The following DLGAP2 variants were observed in gnomAD, a reference collection of about 807,000 sequenced individuals.
DLGAP2 encodes DLG associated protein 2.
DLGAP2 carries 26 observed loss-of-function variants against 100.3 expected under a neutral mutation model. That is an observed-to-expected ratio of 0.26 (90% CI 0.19 to 0.36). The LOEUF (loss-of-function observed/expected upper bound fraction) is 0.36. Among genes scored for constraint, DLGAP2 ranks in the 10% least tolerant of loss-of-function variants. The pLI is 1.00. For synonymous variants in DLGAP2, 886 were observed against 630.1 expected (o/e 1.41, Z -6.08); for missense variants, 1,858 against 1,453.2 (o/e 1.28, Z -4.53).
intron 1 of DLGAP2, among the ~76,000 whole-genome samples, chr8:752,693 C>T (rs1585825294): frequency 6.6e-6 from 1 of 152,280 alleles, no homozygotes; most frequent in South Asian, 2.1e-4. Flanking sequence ...CCATGGCGGC[C>T]AGGAGGCACT....
At chr8:1,390,673 T>C (rs954257517) in intron 3 of DLGAP2, among the ~76,000 whole-genome samples, 4 of 152,206 alleles carry the variant, frequency 2.6e-5, no homozygotes, top group African/African-American at 7.2e-5. Context: ...CGCCAAGCTC[T>C]GATCTGAGTC....
intron 2 of DLGAP2, among the ~76,000 whole-genome samples, chr8:945,049 CTTTCCACCCCAA>C (rs1222373312): frequency 1.3e-5 from 2 of 152,196 alleles, no homozygotes; most frequent in Non-Finnish European, 2.9e-5. Flanking sequence ...GAGCAAAGTT[CTTTCCACCCCAA>C]TTTCTGTTCT....
At chr8:1,376,001 ACGGCCT>A (rs1802375794) in intron 3 of DLGAP2, among the ~76,000 whole-genome samples, 1 of 12,356 alleles carries the variant, frequency 8.1e-5, no homozygotes, top group African/African-American at 5.2e-4. Flanking sequence ...ACCCCTCTCC[ACGGCCT>A]CAGAACTGAG....
At chr8:1,206,021 T>C (rs1202642760) in intron 2 of DLGAP2, among the ~76,000 whole-genome samples, 1 of 152,108 alleles carries the variant, frequency 6.6e-6, no homozygotes, top group Non-Finnish European at 1.5e-5. Context: ...CTTGGGGATT[T>C]CATCAGCAAA....
chr8:1,252,479 C>T (rs1052970479), intron 2 of DLGAP2, among the ~76,000 whole-genome samples: 1 of 152,180 alleles, frequency 6.6e-6, no homozygotes, highest in Non-Finnish European at 1.5e-5. Flanking sequence ...TTGCGTTGTC[C>T]TGGGTCACAG....
chr8:1,333,668 C>T (rs566984851), intron 3 of DLGAP2, among the ~76,000 whole-genome samples: 22 of 152,218 alleles, frequency 1.4e-4, no homozygotes, highest in Middle Eastern at 6.3e-3. Flanking sequence ...GCCGATGTAA[C>T]CGCGGGCTCT....
At chr8:1,177,485 A>G (rs1461874125) in intron 2 of DLGAP2, among the ~76,000 whole-genome samples, 1 of 152,034 alleles carries the variant, frequency 6.6e-6, no homozygotes, top group East Asian at 1.9e-4. Context: ...TTCTGAATGC[A>G]TGGTGTTGAT....
At chr8:1,210,643 G>A (rs1018316320) in intron 2 of DLGAP2, among the ~76,000 whole-genome samples, 1 of 152,282 alleles carries the variant, frequency 6.6e-6, no homozygotes, top group African/African-American at 2.4e-5. Context: ...CTCTTGCCAT[G>A]GCTACTGCCT....
intron 8 of DLGAP2, among the ~76,000 whole-genome samples, chr8:1,647,751 G>A (rs1585030497): frequency 6.6e-6 from 1 of 152,134 alleles, no homozygotes; most frequent in Non-Finnish European, 1.5e-5. Flanking sequence ...TTGCATGCCG[G>A]CTGCTATAAG....
At chr8:896,195 C>T (rs111507146) in intron 1 of DLGAP2, among the ~76,000 whole-genome samples, 1 of 111,450 alleles carries the variant, frequency 9.0e-6, no homozygotes, top group Non-Finnish European at 1.8e-5. Flanking sequence ...GGTGTCAATC[C>T]CCAGGGTTTG....
intron 3 of DLGAP2, among the ~76,000 whole-genome samples, chr8:1,386,460 G>A (rs530015235): frequency 3.9e-5 from 6 of 152,310 alleles, no homozygotes; most frequent in Non-Finnish European, 7.4e-5. Flanking sequence ...AGAGCGGCAG[G>A]GACAGCTGGG....
intron 6 of DLGAP2, among the ~76,000 whole-genome samples, chr8:1,599,128 A>G (rs558721537): frequency 2.0e-5 from 3 of 152,208 alleles, no homozygotes; most frequent in African/African-American, 7.2e-5. Context: ...TTATTTACCC[A>G]GTAGTCATTC....
chr8:1,125,119 A>G (rs75053659), intron 2 of DLGAP2, among the ~76,000 whole-genome samples: 2,590 of 152,230 alleles, frequency 0.017, 59 homozygotes, highest in African/African-American at 0.06. Context: ...GACTCGGACC[A>G]TTTTCCCAAG....
At chr8:1,578,816 A>G (rs1173066082) in intron 6 of DLGAP2, among the ~76,000 whole-genome samples, 1 of 152,196 alleles carries the variant, frequency 6.6e-6, no homozygotes, top group Non-Finnish European at 1.5e-5. Flanking sequence ...CACCTGTCTC[A>G]TGCCCTGGTG....
At position 1,241,811 on chromosome 8, in the gene DLGAP2, C is replaced by A. The variant is rs940261025; in HGVS notation, c.74-17040C>A. Among the ~76,000 whole-genome samples, 6 of 151,782 alleles carry A rather than the reference C, an allele frequency of 4.0e-5. No homozygotes were observed. In the South Asian group the frequency reaches 1.0e-3, roughly 26 times the overall value. ...CTTGTTTAATTTTAAAGTTCAGCGG[C>A]AGGACACTCTTAAATCTTATGAGTT... On this transcript the variant is annotated intron_variant, in intron 2 of 14. Coordinates refer to ENST00000637795, the MANE Select transcript of DLGAP2 (RefSeq NM_001346810.2).
chr8:868,841 G>A (rs989738986), intron 1 of DLGAP2, among the ~76,000 whole-genome samples: 7 of 152,208 alleles, frequency 4.6e-5, no homozygotes, highest in Non-Finnish European at 1.5e-5. Context: ...GGCTGGACGC[G>A]TCAGGCAGCC....
chr8:1,558,561 C>T (rs938859484), intron 5 of DLGAP2, among the ~76,000 whole-genome samples: 5 of 151,588 alleles, frequency 3.3e-5, no homozygotes, highest in Non-Finnish European at 5.9e-5. Flanking sequence ...ATGCACATTA[C>T]ACATACACAC....
At chr8:1,521,253 A>G (rs1800588061) in intron 4 of DLGAP2, among the ~76,000 whole-genome samples, 1 of 84,422 alleles carries the variant, frequency 1.2e-5, no homozygotes, top group Non-Finnish European at 2.5e-5. Flanking sequence ...ACTTGTTTTA[A>G]TTTGGAATAC....
At chr8:917,255 C>A (rs1798614805) in intron 2 of DLGAP2, among the ~76,000 whole-genome samples, 1 of 131,498 alleles carries the variant, frequency 7.6e-6, no homozygotes, top group East Asian at 2.5e-4. Flanking sequence ...TCCTTCCTTT[C>A]TTCCTGACAG....
Sources: allele counts gnomAD v4.1 joint callset (sites outside exome capture counted in the v4.1 genomes callset), GRCh38; gene constraint gnomAD v4.1.1; transcripts MANE v1.5; gene names NCBI Gene and HGNC (gene_info 2026-07-23, HGNC 2026-07-21).